The following POFUT3 variants were observed in gnomAD, a reference collection of about 807,000 sequenced individuals.
The protein encoded by POFUT3 is GDP-fucose protein O-fucosyltransferase 3.
chr8:33,458,875 G>A, the POFUT3 span, among the ~76,000 whole-genome samples: 1 of 152,182 alleles, frequency 6.6e-6, no homozygotes, highest in South Asian at 2.1e-4. Context: ...TCTGGCAGAA[G>A]GCAGCAGTAG....
At chr8:33,395,364 AGAG>A in the POFUT3 span, among the ~76,000 whole-genome samples, 1 of 152,072 alleles carries the variant, frequency 6.6e-6, no homozygotes, top group Non-Finnish European at 1.5e-5. Flanking sequence ...CTGAACATGG[AGAG>A]GAGAAGAGGC....
chr8:33,447,245 C>G, the POFUT3 span, among the ~76,000 whole-genome samples: 1 of 152,056 alleles, frequency 6.6e-6, no homozygotes, highest in Non-Finnish European at 1.5e-5. Flanking sequence ...GTCAGGAGAT[C>G]GAGACCATCC....
At chr8:33,346,278 T>G in the POFUT3 span, among the ~76,000 whole-genome samples, 1 of 152,154 alleles carries the variant, frequency 6.6e-6, no homozygotes, top group African/African-American at 2.4e-5. Context: ...CAGATGTCCA[T>G]CCTCTTCTAT....
the POFUT3 span, among the ~76,000 whole-genome samples, chr8:33,353,603 A>G: frequency 6.6e-6 from 1 of 152,282 alleles, no homozygotes; most frequent in East Asian, 1.9e-4. Context: ...AGGATTGTGC[A>G]ACTTCAACAG....
chr8:33,470,043 TC>T, the POFUT3 span, among the ~76,000 whole-genome samples: 2 of 151,578 alleles, frequency 1.3e-5, no homozygotes, highest in Non-Finnish European at 2.9e-5. Context: ...TCCACCTGCC[TC>T]GGCCTCCCAA....
chr8:33,369,558 C>T, the POFUT3 span, among the ~76,000 whole-genome samples: 1 of 152,178 alleles, frequency 6.6e-6, no homozygotes, highest in Admixed American at 6.5e-5. Context: ...TCTGTTACAG[C>T]AGCCTGAGGT....
chr8:33,391,375 C>T, the POFUT3 span, among the ~76,000 whole-genome samples: 6 of 152,188 alleles, frequency 3.9e-5, no homozygotes, highest in African/African-American at 7.2e-5. Context: ...GACGTACTAA[C>T]GTAAAAATGG....
At chr8:33,342,194 A>T in the POFUT3 span, among the ~76,000 whole-genome samples, 4 of 152,014 alleles carry the variant, frequency 2.6e-5, no homozygotes, top group Admixed American at 6.6e-5. Context: ...AAAAAAAATT[A>T]AAAAATTAAA....
At chr8:33,394,134 G>A in the POFUT3 span, 20 of 179,188 alleles carry the variant, frequency 1.1e-4, no homozygotes, top group East Asian at 1.8e-4. Context: ...GCAGTGCACC[G>A]TGATCACGCC....
chr8:33,453,798 T>A, the POFUT3 span, among the ~76,000 whole-genome samples: 1 of 151,810 alleles, frequency 6.6e-6, no homozygotes, highest in Non-Finnish European at 1.5e-5. Flanking sequence ...AATACAAAAA[T>A]TAGTCAGGCA....
At chr8:33,380,189 C>G in the POFUT3 span, among the ~76,000 whole-genome samples, 8 of 39,898 alleles carry the variant, frequency 2.0e-4, no homozygotes, top group African/African-American at 9.6e-4. Flanking sequence ...TATATATATA[C>G]TATATATATA....
the POFUT3 span, among the ~76,000 whole-genome samples, chr8:33,423,752 T>C: frequency 1.4e-5 from 2 of 140,044 alleles, no homozygotes; most frequent in African/African-American, 2.7e-5. Flanking sequence ...GTTTCTAGTA[T>C]AGATTTTGAA....
At chr8:33,379,966 A>C in the POFUT3 span, among the ~76,000 whole-genome samples, 1,238 of 105,380 alleles carry the variant, frequency 0.012, 51 homozygotes, top group Admixed American at 0.041. Context: ...CTATATATAC[A>C]CTATATATAC....
chr8:33,352,829 T>C, the POFUT3 span, among the ~76,000 whole-genome samples: 1 of 152,258 alleles, frequency 6.6e-6, no homozygotes, highest in Non-Finnish European at 1.5e-5. Flanking sequence ...CACCCATGGC[T>C]ATCCTCATAT....
chr8:33,440,415 G>A, the POFUT3 span, among the ~76,000 whole-genome samples: 2 of 152,066 alleles, frequency 1.3e-5, no homozygotes, highest in African/African-American at 4.8e-5. Flanking sequence ...CTGTCTGGTG[G>A]CATGCTGTGT....
the POFUT3 span, among the ~76,000 whole-genome samples, chr8:33,320,547 C>G: frequency 6.6e-6 from 1 of 151,996 alleles, no homozygotes; most frequent in South Asian, 2.1e-4. Flanking sequence ...ATAATTAATT[C>G]TTACCTTCCA....
At chr8:33,318,011 T>G in the POFUT3 span, among the ~76,000 whole-genome samples, 2 of 152,148 alleles carry the variant, frequency 1.3e-5, no homozygotes, top group Non-Finnish European at 1.5e-5. Context: ...GTGAATAAAA[T>G]GCCAATTTCA....
chr8:33,403,062 A>G, the POFUT3 span, among the ~76,000 whole-genome samples: 2 of 150,160 alleles, frequency 1.3e-5, no homozygotes, highest in East Asian at 3.9e-4. Flanking sequence ...CCGTGTCTCA[A>G]AAAAAAAAAA....
chr8:33,332,943 C>T, the POFUT3 span, among the ~76,000 whole-genome samples: 16 of 152,252 alleles, frequency 1.1e-4, no homozygotes, highest in East Asian at 1.9e-4. Context: ...CCTTCATCTT[C>T]GGGCTTGAGC....
Sources: gnomAD v4.1 joint callset for allele counts (sites outside exome capture counted in the v4.1 genomes callset) on GRCh38, gnomAD v4.1.1 for gene constraint, MANE v1.5 for transcripts, NCBI Gene and HGNC (gene_info 2026-07-23, HGNC 2026-07-21) for gene names.